Variants in OPCML observed in about 807,000 individuals in gnomAD.
The protein encoded by OPCML is opioid-binding protein/cell adhesion molecule.
In OPCML, 13 loss-of-function variants were observed where a neutral mutation model predicts 37.8. That is an observed-to-expected ratio of 0.34 (90% CI 0.22 to 0.55). The LOEUF (loss-of-function observed/expected upper bound fraction) is 0.55, where lower values mean the gene tolerates loss of function less well. Ranked by LOEUF, OPCML falls within the 20% of genes least tolerant of loss-of-function variation. The probability of loss-of-function intolerance (pLI) is 0.91; values close to 1 mark genes in which losing one functional copy is unlikely to be tolerated. For missense variants in OPCML, 341 were observed against 435.6 expected (o/e 0.78, Z 1.93); for synonymous variants, 176 against 168.8 (o/e 1.04, Z -0.33).
At chr11:133,444,220 G>C (rs1025512410) in intron 1 of OPCML, among the ~76,000 whole-genome samples, 1 of 152,140 alleles carries the variant, frequency 6.6e-6, no homozygotes, top group South Asian at 2.1e-4. Flanking sequence ...GGAGGACGTA[G>C]AGAATGAACT....
chr11:132,469,253 C>T (rs983777649), intron 4 of OPCML, among the ~76,000 whole-genome samples: 6 of 152,104 alleles, frequency 3.9e-5, no homozygotes, highest in Admixed American at 1.3e-4. Flanking sequence ...AACAAAATCA[C>T]AATTTAAAAG....
At chr11:133,251,184 T>C (rs1941120470) in intron 1 of OPCML, among the ~76,000 whole-genome samples, 1 of 152,300 alleles carries the variant, frequency 6.6e-6, no homozygotes, top group Non-Finnish European at 1.5e-5. Context: ...TCAAGGGTAC[T>C]GAAAACATGT....
chr11:133,098,873 A>G (rs1314820476), intron 1 of OPCML, among the ~76,000 whole-genome samples: 1 of 152,168 alleles, frequency 6.6e-6, no homozygotes, highest in Non-Finnish European at 1.5e-5. Flanking sequence ...GAAGGAAGAA[A>G]TAAGACTGTA....
At chr11:133,518,502 GGT>G (rs1354299296) in intron 1 of OPCML, among the ~76,000 whole-genome samples, 3 of 151,844 alleles carry the variant, frequency 2.0e-5, no homozygotes, top group African/African-American at 7.3e-5. Flanking sequence ...AGTGTGTGCG[GGT>G]GTGGGTGTGT....
intron 1 of OPCML, among the ~76,000 whole-genome samples, chr11:133,472,789 A>C (rs1947147343): frequency 6.6e-6 from 1 of 151,986 alleles, no homozygotes; most frequent in Non-Finnish European, 1.5e-5. Context: ...TTAGCTGAAA[A>C]TATCTATGAA....
intron 3 of OPCML, among the ~76,000 whole-genome samples, chr11:132,630,749 A>G (rs1181472986): frequency 1.3e-5 from 2 of 152,192 alleles, no homozygotes; most frequent in African/African-American, 4.8e-5. Flanking sequence ...TATCTCTACC[A>G]TGATTCGGCA....
In OPCML at chr11:133,029,863, T is replaced by A. The variant is rs74238171; in HGVS notation, c.62-86853A>T. ...ACACGCACCTAATGAATCTAAAATT[T>A]AAAAAAAAATTAAGTAAAACTCATT... On this transcript the variant is annotated intron_variant, in intron 1 of 7. Transcript: ENST00000524381. Among the ~76,000 whole-genome samples, 224 of 151,658 alleles carry A rather than the reference T, an allele frequency of 1.5e-3. 1 individual carries two copies. Among genetic ancestry groups the A allele is most frequent in the Middle Eastern group, 0.014 (4 of 294 alleles).
At chr11:133,262,327 T>C (rs559220094) in intron 1 of OPCML, among the ~76,000 whole-genome samples, 17 of 152,342 alleles carry the variant, frequency 1.1e-4, no homozygotes, top group African/African-American at 4.1e-4. Flanking sequence ...GAAACATTCC[T>C]GGGTGTAGGA....
rs1038002830 is a variant in OPCML, at chr11:133,205,961, A to G, written c.62-262951T>C. 1.3e-5 allele frequency among the ~76,000 whole-genome samples: 2 copies of G among 152,164 alleles called. No homozygotes were observed. The highest frequency in any genetic ancestry group is 2.4e-5 in the African/African-American group (1 of 41,440). On this transcript the variant is annotated intron_variant, in intron 1 of 7. Transcript: ENST00000524381. This position sits in a 1 kb window ranked among gnomAD's most constrained non-coding sequence, Gnocchi z 4.8. ...CTCTGTAATCTTGCACAAGTTATGTATATCCACTTAGCCCCAGCTCCCTGA... is the reference window on the plus strand; with the variant it reads ...CTCTGTAATCTTGCACAAGTTATGTGTATCCACTTAGCCCCAGCTCCCTGA...
chr11:132,803,861 T>C (rs1395025038), intron 2 of OPCML, among the ~76,000 whole-genome samples: 1 of 152,200 alleles, frequency 6.6e-6, no homozygotes, highest in Non-Finnish European at 1.5e-5. Context: ...TAAATGAGTT[T>C]AATATGTAAG....
intron 1 of OPCML, among the ~76,000 whole-genome samples, chr11:133,028,920 A>G (rs1947615713): frequency 6.6e-6 from 1 of 151,898 alleles, no homozygotes; most frequent in Admixed American, 6.5e-5. Context: ...AACTATCAAC[A>G]GTAAACAACC....
intron 2 of OPCML, among the ~76,000 whole-genome samples, chr11:132,789,311 A>G (rs1937739258): frequency 6.6e-6 from 1 of 152,244 alleles, no homozygotes; most frequent in Non-Finnish European, 1.5e-5. Context: ...AACATATAAT[A>G]CAACAAATGC....
At chr11:133,294,525 C>T (rs1314692989) in intron 1 of OPCML, among the ~76,000 whole-genome samples, 1 of 152,006 alleles carries the variant, frequency 6.6e-6, no homozygotes, top group Admixed American at 6.6e-5. Context: ...TACACTTTTC[C>T]AAGAAAATAT....
At chr11:133,296,812 T>G (rs977363192) in intron 1 of OPCML, among the ~76,000 whole-genome samples, 1 of 152,240 alleles carries the variant, frequency 6.6e-6, no homozygotes, top group Non-Finnish European at 1.5e-5. Context: ...TATAATTCAC[T>G]TAGATGTTTG....
chr11:132,550,406 A>G (rs1005870371), intron 3 of OPCML, among the ~76,000 whole-genome samples: 2 of 152,010 alleles, frequency 1.3e-5, no homozygotes, highest in African/African-American at 2.4e-5. Context: ...TGGTTGTACA[A>G]AAGTGTGTGA....
intron 3 of OPCML, among the ~76,000 whole-genome samples, chr11:132,619,067 G>A (rs560879728): frequency 2.0e-5 from 3 of 151,740 alleles, no homozygotes; most frequent in Non-Finnish European, 4.4e-5. Context: ...TGCGATGACT[G>A]GCACCCTCTG....
chr11:132,725,530 C>T (rs118085492), intron 2 of OPCML, among the ~76,000 whole-genome samples: 8,791 of 152,200 alleles, frequency 0.058, 417 homozygotes, highest in Middle Eastern at 0.11. Flanking sequence ...ATATTCGACT[C>T]CTTGTTACTT....
chr11:132,881,525 A>G (rs1391792378), intron 2 of OPCML, among the ~76,000 whole-genome samples: 1 of 152,136 alleles, frequency 6.6e-6, no homozygotes, highest in Non-Finnish European at 1.5e-5. Flanking sequence ...TCTCTGATAC[A>G]TGGTTAGGCT....
At chr11:133,232,062 G>A (rs1341393643) in intron 1 of OPCML, among the ~76,000 whole-genome samples, 1 of 152,158 alleles carries the variant, frequency 6.6e-6, no homozygotes, top group East Asian at 1.9e-4. Context: ...TTCACTGAAG[G>A]CTGCTGGATT....
Sources: gnomAD v4.1 joint callset for allele counts (sites outside exome capture counted in the v4.1 genomes callset) on GRCh38, gnomAD v4.1.1 for gene constraint, Gnocchi (gnomAD v3.1) non-coding constraint, MANE v1.5 for transcripts, NCBI Gene and HGNC (gene_info 2026-07-23, HGNC 2026-07-21) for gene names.